The following WWOX variants were observed in gnomAD, a reference collection of about 807,000 sequenced individuals.
WWOX encodes the protein WW domain-containing oxidoreductase.
Under a neutral mutation model 46.2 loss-of-function variants are expected in WWOX, and 69 were observed. The observed-to-expected ratio is 1.49, with a 90% CI of 1.23 to 1.82. The LOEUF is 1.82. WWOX is among the 40% of genes most tolerant of loss of function. The probability of loss-of-function intolerance (pLI) is 0.00; values close to 1 mark genes in which losing one functional copy is unlikely to be tolerated. For synonymous variants in WWOX, 359 were observed against 202.6 expected (o/e 1.77, Z -6.56); for missense variants, 919 against 542.6 (o/e 1.69, Z -6.89).
chr16:79,076,886 T>G (rs912109221), intron 8 of WWOX, among the ~76,000 whole-genome samples: 1 of 152,246 alleles, frequency 6.6e-6, no homozygotes, highest in Non-Finnish European at 1.5e-5. Context: ...GTGTTTATTG[T>G]TTTATGCGTA....
intron 5 of WWOX, among the ~76,000 whole-genome samples, chr16:78,322,406 C>T (rs1434967638): frequency 6.6e-6 from 1 of 152,192 alleles, no homozygotes; most frequent in African/African-American, 2.4e-5. Context: ...GACTAGCACT[C>T]ACTGAGTGTT....
At chr16:79,133,349 A>G (rs1374987583) in intron 8 of WWOX, among the ~76,000 whole-genome samples, 2 of 152,194 alleles carry the variant, frequency 1.3e-5, no homozygotes, top group Non-Finnish European at 2.9e-5. Flanking sequence ...CCCCCTCAAC[A>G]TTAACGGGGA....
intron 8 of WWOX, among the ~76,000 whole-genome samples, chr16:78,869,651 T>C (rs1415744424): frequency 6.6e-6 from 1 of 152,154 alleles, no homozygotes; most frequent in East Asian, 1.9e-4. Context: ...CTGCGGTATT[T>C]TTGTGGACGT....
chr16:78,701,083 T>C (rs1289643293), intron 8 of WWOX, among the ~76,000 whole-genome samples: 2 of 152,064 alleles, frequency 1.3e-5, no homozygotes, highest in Admixed American at 1.3e-4. Context: ...CTTAATCTTC[T>C]CCTCTTTAAA....
chr16:78,669,585 C>T (rs142099460), intron 8 of WWOX, among the ~76,000 whole-genome samples: 4 of 152,192 alleles, frequency 2.6e-5, no homozygotes, highest in East Asian at 3.9e-4. Context: ...GGTTGAGAAA[C>T]GTGACCTAGC....
chr16:78,408,616 T>C (rs1357588270), intron 6 of WWOX, among the ~76,000 whole-genome samples: 3 of 152,216 alleles, frequency 2.0e-5, no homozygotes, highest in Non-Finnish European at 2.9e-5. Context: ...AGCTATCTAT[T>C]GGTAAGAAGT....
chr16:79,190,905 A>G (rs754078601), intron 8 of WWOX, among the ~76,000 whole-genome samples: 2 of 152,178 alleles, frequency 1.3e-5, no homozygotes, highest in Non-Finnish European at 2.9e-5. Flanking sequence ...TAGACAGCTA[A>G]TTAGTTGGTG....
chr16:78,345,714 A>G (rs1278175510), intron 5 of WWOX, among the ~76,000 whole-genome samples: 1 of 113,924 alleles, frequency 8.8e-6, no homozygotes, highest in Non-Finnish European at 2.1e-5. Flanking sequence ...ATGGGTACAC[A>G]CTCAGTGAAA....
At chr16:78,708,249 CATATTTTTTAAAAATGTA>C (rs2048366609) in intron 8 of WWOX, among the ~76,000 whole-genome samples, 1 of 152,172 alleles carries the variant, frequency 6.6e-6, no homozygotes, top group Non-Finnish European at 1.5e-5. Flanking sequence ...AGGTAAATAA[CATATTTTTTAAAAATGTA>C]TCCCATGCAG....
intron 8 of WWOX, among the ~76,000 whole-genome samples, chr16:78,847,946 C>T (rs1167330895): frequency 6.6e-6 from 1 of 152,054 alleles, no homozygotes; most frequent in Non-Finnish European, 1.5e-5. Context: ...CACGAACAAC[C>T]CTGAGCTGAC....
At chr16:78,657,846 T>C (rs900377912) in intron 8 of WWOX, among the ~76,000 whole-genome samples, 3 of 152,174 alleles carry the variant, frequency 2.0e-5, no homozygotes, top group Non-Finnish European at 4.4e-5. Context: ...TGTTTTTTGT[T>C]TTTTTGTTTT....
chr16:78,726,086 T>TTCCTCCCTCCCTCCCTCCCTCCCTCC (rs2048825832), intron 8 of WWOX, among the ~76,000 whole-genome samples: 1 of 106,722 alleles, frequency 9.4e-6, no homozygotes, highest in Non-Finnish European at 1.9e-5. Context: ...TCCCTCCCTC[T>TTCCTCCCTCCCTCCCTCCCTCCCTCC]TCCTCCCTCC....
intron 8 of WWOX, among the ~76,000 whole-genome samples, chr16:78,977,452 A>G (rs13332405): frequency 0.29 from 44,265 of 152,062 alleles, 6,815 homozygotes; most frequent in East Asian, 0.37. Flanking sequence ...ACCAGAAGCT[A>G]TAAGGAGATG....
intron 4 of WWOX, among the ~76,000 whole-genome samples, chr16:78,143,584 A>G (rs2034062637): frequency 6.6e-6 from 1 of 152,114 alleles, no homozygotes; most frequent in Admixed American, 6.6e-5. Context: ...AGCCCAAGAT[A>G]TTTACTGCAT....
At chr16:79,011,216 C>T (rs1010277924) in intron 8 of WWOX, among the ~76,000 whole-genome samples, 2 of 151,736 alleles carry the variant, frequency 1.3e-5, no homozygotes, top group African/African-American at 4.8e-5. Flanking sequence ...CATCACGGCT[C>T]ACCCTGAAAT....
chr16:78,186,207 T>A (rs1469613084), intron 5 of WWOX, among the ~76,000 whole-genome samples: 1 of 152,014 alleles, frequency 6.6e-6, no homozygotes, highest in African/African-American at 2.4e-5. Flanking sequence ...AAATAAAATA[T>A]CATTGAAGTT....
chr16:78,464,414 A>C (rs1368409050), intron 8 of WWOX, among the ~76,000 whole-genome samples: 1 of 152,124 alleles, frequency 6.6e-6, no homozygotes, highest in Non-Finnish European at 1.5e-5. Flanking sequence ...TCCTGGCCAA[A>C]AGTTAATGCT....
intron 5 of WWOX, among the ~76,000 whole-genome samples, chr16:78,180,639 G>A (rs953962548): frequency 1.6e-4 from 25 of 151,924 alleles, no homozygotes; most frequent in African/African-American, 6.0e-4. Flanking sequence ...CATATGTTAG[G>A]GCTAGTGGGT....
chr16:78,974,570 G>A (rs188484238), intron 8 of WWOX, among the ~76,000 whole-genome samples: 1 of 152,338 alleles, frequency 6.6e-6, no homozygotes, highest in East Asian at 1.9e-4. Flanking sequence ...ATTGTGCAAT[G>A]TGCAGGGAAT....
Sources: gnomAD v4.1 joint callset for allele counts (sites outside exome capture counted in the v4.1 genomes callset) on GRCh38, gnomAD v4.1.1 for gene constraint, MANE v1.5 for transcripts, NCBI Gene and HGNC (gene_info 2026-07-23, HGNC 2026-07-21) for gene names.